CFAP92: variants seen among roughly 807,000 people sequenced by gnomAD.
CFAP92 encodes the protein cilia and flagella associated protein 92 (putative).
CFAP92 carries 86 observed loss-of-function variants against 106.3 expected under a neutral mutation model. The ratio of observed to expected loss-of-function variants is 0.81; its 90% confidence interval spans 0.68 to 0.97. The LOEUF is 0.97. Ranked by LOEUF, CFAP92 falls within the 50% of genes least tolerant of loss-of-function variation. The probability of loss-of-function intolerance (pLI) is 0.00; values close to 1 mark genes in which losing one functional copy is unlikely to be tolerated. For synonymous variants in CFAP92, 477 were observed against 506.4 expected (o/e 0.94, Z 0.78); for missense variants, 1,204 against 1,283.8 (o/e 0.94, Z 0.95).
At chr3:128,919,529 C>T (rs1937096077) in intron 12 of CFAP92, among the ~76,000 whole-genome samples, 1 of 152,136 alleles carries the variant, frequency 6.6e-6, no homozygotes, top group African/African-American at 2.4e-5. Context: ...AAACAACTGA[C>T]AGGATTACAA....
chr3:128,975,231 A>G lies in CFAP92; in HGVS notation c.1021+548T>C, dbSNP rs73210688. Among the ~76,000 whole-genome samples the G allele has an allele frequency of 6.7e-3, 1,020 of 152,368 alleles. 2 individuals are homozygous for G. Among genetic ancestry groups the G allele is most frequent in the Non-Finnish European group, 0.011 (742 of 68,034 alleles). ...TCCCCAACATACCACGTACCTACCC[A>G]TACCACAACATCTATCACAAAGAAT... On this transcript the variant is annotated intron_variant, in intron 7 of 15. Coordinates refer to ENST00000645291, the MANE Select transcript of CFAP92 (RefSeq NM_001394090.1).
At chr3:128,912,459 T>C (rs1936441352) in intron 15 of CFAP92, 1 of 1,555,532 alleles carries the variant, frequency 6.4e-7, no homozygotes, top group Non-Finnish European at 8.9e-7. Flanking sequence ...ATGTTTGTCT[T>C]ATCACGGTGC....
At chr3:128,924,952 C>G (rs1011462487) in intron 12 of CFAP92, among the ~76,000 whole-genome samples, 2 of 152,214 alleles carry the variant, frequency 1.3e-5, no homozygotes, top group Non-Finnish European at 1.5e-5. Flanking sequence ...GGGACCTTCA[C>G]AGCCTCCATA....
chr3:128,958,491 G>A (rs1941620812), intron 9 of CFAP92, among the ~76,000 whole-genome samples: 1 of 152,162 alleles, frequency 6.6e-6, no homozygotes, highest in African/African-American at 2.4e-5. Context: ...TGAGGAAATT[G>A]GACAAAGGAT....
intron 6 of CFAP92, 67 bp downstream of exon 6, chr3:128,976,912 G>A (rs1427419688): frequency 9.6e-6 from 12 of 1,255,862 alleles, no homozygotes; most frequent in African/African-American, 1.5e-5. Flanking sequence ...AACCTACCAC[G>A]ACTCATAGTA....
At chr3:129,004,685 C>T (rs1176548941), upstream of CFAP92, among the ~76,000 whole-genome samples, 1 of 152,056 alleles carries the variant, frequency 6.6e-6, no homozygotes, top group Non-Finnish European at 1.5e-5. Flanking sequence ...ACTAAGCACT[C>T]GCTGTTTGCC....
intron 2 of CFAP92, chr3:128,991,442 C>A (rs1319751503): frequency 6.5e-6 from 1 of 152,842 alleles, no homozygotes; most frequent in Non-Finnish European, 1.5e-5. Flanking sequence ...TAACTCCTCC[C>A]TTCTCAAGCC....
chr3:128,978,555 T>C (rs1188434077), intron 4 of CFAP92, among the ~76,000 whole-genome samples: 1 of 152,150 alleles, frequency 6.6e-6, no homozygotes, highest in Non-Finnish European at 1.5e-5. Context: ...ACTGCACCAC[T>C]GCAGTCCAGC....
chr3:128,962,842 C>A (rs868618445), intron 9 of CFAP92, among the ~76,000 whole-genome samples: 2 of 151,982 alleles, frequency 1.3e-5, no homozygotes, highest in East Asian at 3.9e-4. Context: ...TCAGAATCTG[C>A]GCCTTATCAA....
chr3:128,917,066 T>C (rs950579271), intron 12 of CFAP92, among the ~76,000 whole-genome samples: 6 of 152,178 alleles, frequency 3.9e-5, no homozygotes, highest in African/African-American at 1.4e-4. Context: ...ACAAAATTTG[T>C]GATTCACACA....
intron 12 of CFAP92, among the ~76,000 whole-genome samples, chr3:128,918,940 ATTTTT>A (rs10573280): frequency 1.0e-4 from 11 of 105,858 alleles, no homozygotes; most frequent in African/African-American, 2.6e-4. Flanking sequence ...CTCAGATTGG[ATTTTT>A]TTTTTTTTTT....
the CFAP92 span, among the ~76,000 whole-genome samples, chr3:129,013,667 G>A: frequency 1.3e-5 from 2 of 152,330 alleles, no homozygotes; most frequent in Admixed American, 1.3e-4. Flanking sequence ...CAGGGAAATG[G>A]AGCATGCTGA....
At chr3:128,916,013 A>G (rs960490230) in intron 13 of CFAP92, 94 bp downstream of exon 13, 4 of 881,118 alleles carry the variant, frequency 4.5e-6, no homozygotes, top group Non-Finnish European at 6.0e-6. Flanking sequence ...TCATCTGTAT[A>G]GTTGAGATCC....
intron 1 of CFAP92, chr3:129,001,978 T>G: frequency 6.5e-7 from 1 of 1,544,982 alleles, no homozygotes; most frequent in African/African-American, 1.4e-5. Context: ...GCCGCTGAGT[T>G]GGCCACGGAC....
intron 9 of CFAP92, among the ~76,000 whole-genome samples, chr3:128,949,118 T>G (rs1247714275): frequency 6.6e-6 from 1 of 152,228 alleles, no homozygotes; most frequent in Non-Finnish European, 1.5e-5. Context: ...CTGATGAGAA[T>G]GCAGAGTGAT....
chr3:128,990,892 G>A (rs774993394), intron 2 of CFAP92, among the ~76,000 whole-genome samples: 10 of 151,884 alleles, frequency 6.6e-5, no homozygotes, highest in East Asian at 1.9e-4. Context: ...GCAAGACTCC[G>A]TCTCAAAAAT....
At chr3:128,913,471 G>A (rs149326790) in intron 15 of CFAP92, among the ~76,000 whole-genome samples, 79 of 127,690 alleles carry the variant, frequency 6.2e-4, no homozygotes, top group Middle Eastern at 4.4e-3. Flanking sequence ...GCTGGCACTT[G>A]AAAGATTACA....
intron 12 of CFAP92, among the ~76,000 whole-genome samples, chr3:128,920,357 T>C (rs906233889): frequency 6.6e-6 from 1 of 152,074 alleles, no homozygotes; most frequent in Non-Finnish European, 1.5e-5. Flanking sequence ...TGAGCCAAGA[T>C]AGTGCTACTG....
At chr3:129,009,166 C>T in the CFAP92 span, among the ~76,000 whole-genome samples, 1 of 152,198 alleles carries the variant, frequency 6.6e-6, no homozygotes. Flanking sequence ...CACCTTTCTT[C>T]TCTCCTCTGT....
Sources: gnomAD v4.1 joint callset for allele counts (sites outside exome capture counted in the v4.1 genomes callset) on GRCh38, gnomAD v4.1.1 for gene constraint, MANE v1.5 for transcripts, NCBI Gene and HGNC (gene_info 2026-07-23, HGNC 2026-07-21) for gene names.